The following PRMT8 variants were observed in gnomAD, a reference collection of about 807,000 sequenced individuals.
PRMT8 encodes the protein protein arginine N-methyltransferase 8.
PRMT8 carries 7 observed loss-of-function variants against 47.1 expected under a neutral mutation model. The ratio of observed to expected loss-of-function variants is 0.15; its 90% CI spans 0.08 to 0.28. The LOEUF is 0.28. Among genes scored for constraint, PRMT8 ranks in the 10% least tolerant of loss-of-function variants. The probability of loss-of-function intolerance (pLI) is 1.00; values close to 1 mark genes in which losing one functional copy is unlikely to be tolerated. For synonymous variants in PRMT8, 188 were observed against 186.5 expected (o/e 1.01, Z -0.07); for missense variants, 237 against 505.4 (o/e 0.47, Z 5.09).
chr12:3,517,074 T>C (rs530318517), intron 1 of PRMT8, among the ~76,000 whole-genome samples: 2 of 152,128 alleles, frequency 1.3e-5, no homozygotes, highest in African/African-American at 4.8e-5. Context: ...CAACAATCAA[T>C]AGGCAACGTC....
rs779216947 is a variant in PRMT8 at position 3,540,633 on chromosome 12, C to A, written c.103C>A (p.Gln35Lys). ...GAACAGCCCCCCCTCCCAGCCCCCC[C>A]AGCCCGTCGTCCCTGCTAAGCCCGT... ...EVNSPPSQPP[Q>K]PVVPAKPVQC... The change falls in exon 2 of 10, where the codon CAG becomes AAG. Residue 35 changes from glutamine to lysine, a missense_variant. Physicochemically the swap from Gln to Lys is moderately conservative, Grantham distance 53. Transcript: ENST00000382622. 6.4e-6 allele frequency: 10 copies of A among 1,553,556 alleles called. No homozygotes were observed. The highest frequency in any genetic ancestry group is 3.3e-5 in the South Asian group (3 of 89,556).
At chr12:3,431,967 A>G (rs1864684519) in intron 1 of PRMT8, among the ~76,000 whole-genome samples, 1 of 152,214 alleles carries the variant, frequency 6.6e-6, no homozygotes, top group Non-Finnish European at 1.5e-5. Flanking sequence ...AAGGAGCAGG[A>G]ATTTTTGCTT....
Position 3,566,586 on chromosome 12 carries a change from T to A in PRMT8, c.482-2120T>A, listed in dbSNP as rs551784901. On this transcript the variant is annotated intron_variant, in intron 4 of 9. Coordinates refer to ENST00000382622, the MANE Select transcript of PRMT8 (RefSeq NM_019854.5). This position sits in a 1 kb window ranked among gnomAD's most constrained non-coding sequence, Gnocchi z 4.7. Reference sequence around the variant, plus strand: ...CCACATAGTGGAGAGTAAACTGTTATTAGAAGCTGCTAATGGACACTCCAT... The same window carrying A: ...CCACATAGTGGAGAGTAAACTGTTAATAGAAGCTGCTAATGGACACTCCAT... 5.3e-5 allele frequency among the ~76,000 whole-genome samples: 8 copies of A among 152,324 alleles called. No homozygotes were observed. The East Asian group carries it at 1.5e-3, about 29-fold the overall frequency.
At chr12:3,528,020 T>G (rs886310305) in intron 1 of PRMT8, among the ~76,000 whole-genome samples, 5 of 152,176 alleles carry the variant, frequency 3.3e-5, no homozygotes, top group Non-Finnish European at 7.4e-5. Context: ...GCTGTCATTC[T>G]TATCTTAGTT....
rs1427487230 is a variant in PRMT8, at chr12:3,392,934, GT to G, written c.48+11496del. On this transcript the variant is annotated intron_variant, in intron 1 of 9. Transcript: ENST00000452611. Reference sequence around the variant, plus strand: ...TGGTGTGAGATGGTATCTCATTGTGGTTTTGATTTGCATGTCTCTGATGGCC... The same window carrying G: ...TGGTGTGAGATGGTATCTCATTGTGGTTTGATTTGCATGTCTCTGATGGCC... Among the ~76,000 whole-genome samples, 204 of 152,254 alleles carry G rather than the reference GT, an allele frequency of 1.3e-3. 1 individual carries two copies. The highest frequency in any genetic ancestry group is 4.5e-3 in the African/African-American group (189 of 41,544).
intron 1 of PRMT8, among the ~76,000 whole-genome samples, chr12:3,533,206 C>A (rs1039595373): frequency 9.2e-5 from 14 of 152,292 alleles, no homozygotes; most frequent in African/African-American, 2.9e-4. Flanking sequence ...AAAGGCAGAT[C>A]TGGAGAGCGT....
chr12:3,450,488 T>A (rs1470831187), intron 1 of PRMT8, among the ~76,000 whole-genome samples: 3 of 152,216 alleles, frequency 2.0e-5, no homozygotes, highest in Non-Finnish European at 2.9e-5. Flanking sequence ...AAATTCCAAT[T>A]TCCTCTTGAA....
chr12:3,536,811 A>G (rs1279907841), intron 1 of PRMT8, among the ~76,000 whole-genome samples: 2 of 152,204 alleles, frequency 1.3e-5, no homozygotes, highest in East Asian at 1.9e-4. Flanking sequence ...ACAATCTGTC[A>G]TGATCATATT....
intron 1 of PRMT8, among the ~76,000 whole-genome samples, chr12:3,532,778 C>A (rs1415521221): frequency 1.3e-5 from 2 of 152,122 alleles, no homozygotes; most frequent in African/African-American, 4.8e-5. Flanking sequence ...GTATCAGAAT[C>A]ACCTGCTGGG....
intron 1 of PRMT8, among the ~76,000 whole-genome samples, chr12:3,444,539 G>A (rs1864837068): frequency 6.6e-6 from 1 of 152,234 alleles, no homozygotes; most frequent in Non-Finnish European, 1.5e-5. Context: ...TTCTAGGCAT[G>A]TTTTGTGATC....
At chr12:3,554,529 A>G (rs1336193739) in intron 4 of PRMT8, among the ~76,000 whole-genome samples, 2 of 152,218 alleles carry the variant, frequency 1.3e-5, no homozygotes, top group Non-Finnish European at 2.9e-5. Flanking sequence ...CAATACAGAC[A>G]GGGAGGTGAG....
chr12:3,418,460 G>T (rs1170722371), intron 1 of PRMT8, among the ~76,000 whole-genome samples: 1 of 152,182 alleles, frequency 6.6e-6, no homozygotes, highest in Non-Finnish European at 1.5e-5. Context: ...TGCTCCACAT[G>T]GGTGACAGGA....
intron 1 of PRMT8, among the ~76,000 whole-genome samples, chr12:3,522,524 C>T (rs1164993165): frequency 2.6e-5 from 4 of 151,676 alleles, no homozygotes; most frequent in Non-Finnish European, 5.9e-5. Flanking sequence ...ATTAGCTGGG[C>T]GTGGTGGTGG....
At position 3,422,924 on chromosome 12, in the gene PRMT8, A is replaced by G. The variant is rs147689575; in HGVS notation, c.48+41482A>G. Among the ~76,000 whole-genome samples, 394 of 152,328 alleles carry G rather than the reference A, an allele frequency of 2.6e-3. 3 individuals carry two copies. The highest frequency in any genetic ancestry group is 9.1e-3 in the African/African-American group (379 of 41,578). On this transcript the variant is annotated intron_variant, in intron 1 of 9. Coordinates refer to the PRMT8 transcript ENST00000452611. ...CCACGTCTTCTTGCAAGACAGATCA[A>G]TAGTGATTCATATAGTACACTTGTG...
intron 1 of PRMT8, among the ~76,000 whole-genome samples, chr12:3,443,523 C>G (rs1436072248): frequency 6.6e-6 from 1 of 152,142 alleles, no homozygotes; most frequent in African/African-American, 2.4e-5. Flanking sequence ...AATGGATACA[C>G]TTCCCTCCCT....
At chr12:3,560,694 A>C (rs890542243) in intron 4 of PRMT8, among the ~76,000 whole-genome samples, 1 of 152,192 alleles carries the variant, frequency 6.6e-6, no homozygotes, top group Non-Finnish European at 1.5e-5. Flanking sequence ...TCCTTCTCCT[A>C]CTTTTGCATG....
At chr12:3,405,948 G>A (rs927680222) in intron 1 of PRMT8, among the ~76,000 whole-genome samples, 35 of 152,260 alleles carry the variant, frequency 2.3e-4, no homozygotes, top group African/African-American at 7.7e-4. Context: ...TGTGGGGGCT[G>A]CAACCCCCTA....
At chr12:3,529,191 C>T (rs1232279332) in intron 1 of PRMT8, among the ~76,000 whole-genome samples, 2 of 152,190 alleles carry the variant, frequency 1.3e-5, no homozygotes, top group Non-Finnish European at 2.9e-5. Context: ...CCACCTTCAA[C>T]TGAGAGAGAT....
intron 1 of PRMT8, among the ~76,000 whole-genome samples, chr12:3,525,192 G>A (rs1031019901): frequency 2.0e-5 from 3 of 152,018 alleles, no homozygotes; most frequent in Admixed American, 6.6e-5. Context: ...CTCGCACTCC[G>A]GCCTGGGTGG....
Sources: gnomAD v4.1 joint callset for allele counts (sites outside exome capture counted in the v4.1 genomes callset) on GRCh38, gnomAD v4.1.1 for gene constraint, Gnocchi (gnomAD v3.1) non-coding constraint, MANE v1.5 for transcripts, NCBI Gene and HGNC (gene_info 2026-07-23, HGNC 2026-07-21) for gene names.